The following PEX2 variants were observed in gnomAD, a reference collection of about 807,000 sequenced individuals.
The protein encoded by PEX2 is peroxisome biogenesis factor 2.
A neutral mutation model predicts 25.2 loss-of-function variants in PEX2; 19 were observed. That is an observed-to-expected ratio of 0.75 (90% CI 0.53 to 1.10). The LOEUF (loss-of-function observed/expected upper bound fraction) is 1.10, where lower values mean the gene tolerates loss of function less well. Ranked by LOEUF, PEX2 falls within the 50% of genes least tolerant of loss-of-function variation. The pLI, the probability that PEX2 is intolerant of heterozygous loss-of-function variation, is 0.00. For missense variants in PEX2, 347 were observed against 350.6 expected (o/e 0.99, Z 0.08); for synonymous variants, 141 against 127.7 (o/e 1.10, Z -0.70).
Position 76,986,267 on chromosome 8 carries a change from G to A in PEX2, c.-98C>T, listed in dbSNP as rs1258224392. On this transcript the variant is annotated 5_prime_UTR_variant, in exon 3 of 4. Coordinates refer to ENST00000357039, the MANE Select transcript of PEX2 (RefSeq NM_000318.3). ...GGGAATTTTTGCTCCAAGTTCTTCT[G>A]TGAAATCCTTGCCTCATACTTGCCA... 2 of 152,190 alleles carry A rather than the reference G, an allele frequency of 1.3e-5. No individual in the cohort carries two copies. Among genetic ancestry groups the A allele is most frequent in the Admixed American group, 6.5e-5 (1 of 15,282 alleles). The allele number at this position is 152,190 out of a possible 1,614,324, so 9.4% of individuals were successfully genotyped here.
At chr8:76,997,590 T>A (rs1807378372) in intron 1 of PEX2, among the ~76,000 whole-genome samples, 1 of 152,108 alleles carries the variant, frequency 6.6e-6, no homozygotes. Context: ...AAGACAGTGG[T>A]TAGGCATAAT....
intron 1 of PEX2, among the ~76,000 whole-genome samples, chr8:76,996,234 A>G (rs1807326781): frequency 6.6e-6 from 1 of 152,208 alleles, no homozygotes; most frequent in Non-Finnish European, 1.5e-5. Flanking sequence ...TACCAAGTAC[A>G]AATTTAAATA....
At chr8:76,995,318 T>C (rs1463820058) in intron 1 of PEX2, among the ~76,000 whole-genome samples, 1 of 152,246 alleles carries the variant, frequency 6.6e-6, no homozygotes, top group Non-Finnish European at 1.5e-5. Context: ...AAATTACTTT[T>C]AACTTCAATG....
chr8:76,999,767 T>A (rs1029815275), intron 1 of PEX2: 2 of 450,942 alleles, frequency 4.4e-6, no homozygotes, highest in Non-Finnish European at 8.9e-6. Flanking sequence ...TGTGTTTATT[T>A]TTAATGCCGC....
At chr8:76,997,580 A>G (rs1366843403) in intron 1 of PEX2, among the ~76,000 whole-genome samples, 1 of 152,110 alleles carries the variant, frequency 6.6e-6, no homozygotes, top group Non-Finnish European at 1.5e-5. Flanking sequence ...AAAAAATGAA[A>G]AGACAGTGGT....
intron 1 of PEX2, among the ~76,000 whole-genome samples, chr8:76,994,504 C>T (rs1033256484): frequency 3.9e-5 from 6 of 152,090 alleles, no homozygotes; most frequent in African/African-American, 1.4e-4. Flanking sequence ...TACATCGCTG[C>T]TATCAATATA....
In PEX2 at chr8:76,984,094, G is replaced by C. The variant is rs1277480138; in HGVS notation, c.85C>G (p.Leu29Val). Residue 29 changes from leucine to valine, a missense_variant, in exon 4 of 4, where the codon CTG (leucine) becomes GTG (valine). Leu to Val is a conservative substitution (Grantham distance 32, BLOSUM62 1). Coordinates refer to ENST00000357039, the MANE Select transcript of PEX2 (RefSeq NM_000318.3). ...AACTGGGACCAAACTAGCTGCTCCA[G>C]GGCCTTGTTTAGTTCAAGTGCATCC... The part of the protein sequence containing the change: ...QLDALELNKA[L>V]EQLVWSQFTQ... 1 of 1,612,972 alleles carries C rather than the reference G, an allele frequency of 6.2e-7. No homozygotes were observed. Among genetic ancestry groups the C allele is most frequent in the Non-Finnish European group, 8.5e-7 (1 of 1,179,558 alleles).
intron 1 of PEX2, among the ~76,000 whole-genome samples, chr8:76,998,229 G>A (rs1807393036): frequency 6.6e-6 from 1 of 152,180 alleles, no homozygotes; most frequent in Non-Finnish European, 1.5e-5. Context: ...AGAAAAACAT[G>A]GGGCTAGGAC....
In PEX2 at chr8:76,980,331, T is replaced by C. The variant is rs1281042658; in HGVS notation, c.*2930A>G. The C allele has an allele frequency of 6.6e-6, 1 of 152,238 alleles. No homozygotes were observed. The highest frequency in any genetic ancestry group is 1.9e-4 in the East Asian group (1 of 5,194). 9.4% of individuals were successfully genotyped at this position (152,238 alleles called of 1,614,324 possible). On this transcript the variant is annotated 3_prime_UTR_variant, in exon 4 of 4. Coordinates refer to ENST00000357039, the MANE Select transcript of PEX2 (RefSeq NM_000318.3). ...TGTTAAAGAATCATCCAGTTACTTATGAATGTCCTTATCAAGCTAGATCAC... is the reference window on the plus strand; with the variant it reads ...TGTTAAAGAATCATCCAGTTACTTACGAATGTCCTTATCAAGCTAGATCAC...
In PEX2 at chr8:76,983,867, G is replaced by A; in HGVS notation, c.312C>T (p.Ile104=). 1.2e-6 allele frequency: 2 copies of A among 1,614,074 alleles called. No homozygotes were observed. The highest frequency in any genetic ancestry group is 8.5e-7 in the Non-Finnish European group (1 of 1,179,996). The change falls in exon 4 of 4, where the codon ATC becomes ATT. Residue 104 remains isoleucine, a synonymous_variant. Transcript: ENST00000357039. ...RYQPPSKNQK[I]WYAVCTIGGR... ...CACCAATTGTACAAACAGCATACCA[G>A]ATTTTTTGATTTTTACTGGGTGGCT... is the stretch of plus-strand genomic sequence containing the variant.
chr8:76,986,288 TG>T lies in PEX2; in HGVS notation c.-120del, dbSNP rs889978609. ...TTCTGTGAAATCCTTGCCTCATACT[TG>T]CCAGAAGCTACATACAAAAAAGAAT... is the stretch of plus-strand genomic sequence containing the variant. On this transcript the variant is annotated 5_prime_UTR_variant, in exon 3 of 4. Coordinates refer to ENST00000357039, the MANE Select transcript of PEX2 (RefSeq NM_000318.3). 2 of 152,202 alleles carry T rather than the reference TG, an allele frequency of 1.3e-5. No individual in the cohort carries two copies. The highest frequency in any genetic ancestry group is 2.9e-5 in the Non-Finnish European group (2 of 68,064). The allele number at this position is 152,202 out of a possible 1,614,324, so 9.4% of individuals were successfully genotyped here.
In PEX2 at chr8:76,981,894, A is replaced by G. The variant is rs1327385213; in HGVS notation, c.*1367T>C. 6.6e-6 allele frequency: 1 copy of G among 152,216 alleles called. No homozygotes were observed. The highest frequency in any genetic ancestry group is 2.4e-5 in the African/African-American group (1 of 41,460). The allele number at this position is 152,216 out of a possible 1,614,324, so 9.4% of individuals were successfully genotyped here. On this transcript the variant is annotated 3_prime_UTR_variant, in exon 4 of 4. Coordinates refer to ENST00000357039, the MANE Select transcript of PEX2 (RefSeq NM_000318.3). ...TTCTTCAGTATCTTACACTAAATTG[A>G]ACCTAAATTAAACTTACAGTTCATT...
intron 3 of PEX2, among the ~76,000 whole-genome samples, chr8:76,984,974 C>T (rs1379409485): frequency 6.6e-6 from 1 of 151,464 alleles, no homozygotes; most frequent in East Asian, 1.9e-4. Flanking sequence ...CAAATTGGTG[C>T]TAAAGGGAAA....
chr8:76,984,267 G>GGCATAA, intron 3 of PEX2, 72 bp from the exon 4 acceptor site: 1 of 1,245,596 alleles, frequency 8.0e-7, no homozygotes, highest in Non-Finnish European at 1.2e-6. Context: ...ACTTATGCCT[G>GGCATAA]GAAACTGTCA....
At chr8:76,986,466 T>C (rs1275398331) in intron 2 of PEX2, 170 bp from the exon 3 acceptor site, 1 of 152,396 alleles carries the variant, frequency 6.6e-6, no homozygotes, top group Non-Finnish European at 1.5e-5. Flanking sequence ...TCCTCTCTCA[T>C]GGATTCCATC....
In PEX2 at chr8:76,982,538, ACAGTGGCTCACGTCTGTAATCT is replaced by A. The variant is rs1806863232; in HGVS notation, c.*701_*722del. The stretch of plus-strand genomic sequence containing the variant: ...AACATTACAACTGAGGCGGCCAAGC[ACAGTGGCTCACGTCTGTAATCT>A]CAGCACTTTGGGAGGCTGACGCAGG... On this transcript the variant is annotated 3_prime_UTR_variant, in exon 4 of 4. Coordinates refer to ENST00000357039, the MANE Select transcript of PEX2 (RefSeq NM_000318.3). 2 of 152,342 alleles carry A rather than the reference ACAGTGGCTCACGTCTGTAATCT, an allele frequency of 1.3e-5. No homozygotes were observed. Among genetic ancestry groups the A allele is most frequent in the Admixed American group, 1.3e-4 (2 of 15,282 alleles). The allele number at this position is 152,342 out of a possible 1,614,324, so 9.4% of individuals were successfully genotyped here.
rs1054532073 is a variant in PEX2 at position 76,983,117 on chromosome 8, G to C, written c.*144C>G. On this transcript the variant is annotated 3_prime_UTR_variant, in exon 4 of 4. Coordinates refer to ENST00000357039, the MANE Select transcript of PEX2 (RefSeq NM_000318.3). Reference sequence around the variant, plus strand: ...AGAATCACATGGTTTCCAGTGATTAGATTTCAGTCATGCCTGGAAAGGAGA... The same window carrying C: ...AGAATCACATGGTTTCCAGTGATTACATTTCAGTCATGCCTGGAAAGGAGA... 1 of 1,522,784 alleles carries C rather than the reference G, an allele frequency of 6.6e-7. No homozygotes were observed. The highest frequency in any genetic ancestry group is 8.8e-7 in the Non-Finnish European group (1 of 1,139,548). The allele number at this position is 1,522,784 out of a possible 1,614,324, so 94.3% of individuals were successfully genotyped here.
At chr8:77,000,158 C>G (rs1807462637), upstream of PEX2, 2 of 330,768 alleles carry the variant, frequency 6.0e-6, no homozygotes, top group Admixed American at 4.4e-5. Flanking sequence ...AAAAGTTACA[C>G]CAACGAGAAC....
At chr8:76,992,975 C>T (rs2132056196) in intron 1 of PEX2, among the ~76,000 whole-genome samples, 2 of 152,204 alleles carry the variant, frequency 1.3e-5, no homozygotes, top group South Asian at 2.1e-4. Context: ...TGTGAAAGCC[C>T]AGAAATAGCA....
Sources: allele counts gnomAD v4.1 joint callset (sites outside exome capture counted in the v4.1 genomes callset), GRCh38; gene constraint gnomAD v4.1.1; transcripts MANE v1.5; gene names NCBI Gene and HGNC (gene_info 2026-07-23, HGNC 2026-07-21).